Variants in PTPRN2 observed in about 807,000 individuals in gnomAD.
PTPRN2 encodes protein tyrosine phosphatase receptor type N2.
A neutral mutation model predicts 118.8 loss-of-function variants in PTPRN2; 74 were observed. That is an observed-to-expected ratio of 0.62 (90% CI 0.52 to 0.76). The LOEUF (loss-of-function observed/expected upper bound fraction) is 0.76, where lower values mean the gene tolerates loss of function less well. PTPRN2 is among the 30% of genes least tolerant of loss of function. The pLI is 0.00. For missense variants in PTPRN2, 1,481 were observed against 1,394.4 expected (o/e 1.06, Z -0.99); for synonymous variants, 641 against 608.0 (o/e 1.05, Z -0.80).
Position 158,150,871 on chromosome 7 carries a change from C to G in PTPRN2, c.911-12356G>C, listed in dbSNP as rs144326645. ...TGGCCTCCTTTCTGTTCTTCCAACC[C>G]AACGTGCTGGTGGAATTATCCTACT... On this transcript the variant is annotated intron_variant, in intron 6 of 22. Coordinates refer to ENST00000389418, the MANE Select transcript of PTPRN2 (RefSeq NM_002847.5). Among the ~76,000 whole-genome samples, 37 of 152,184 alleles carry G rather than the reference C, an allele frequency of 2.4e-4. 1 individual carries two copies. In the East Asian group the frequency reaches 6.8e-3, roughly 28 times the overall value.
chr7:158,378,989 C>T (rs1213756490), intron 2 of PTPRN2, among the ~76,000 whole-genome samples: 3 of 152,232 alleles, frequency 2.0e-5, no homozygotes, highest in Non-Finnish European at 2.9e-5. Flanking sequence ...AGTGCATCTG[C>T]ACGCACTCCT....
At chr7:158,246,850 G>A (rs971138474) in intron 3 of PTPRN2, among the ~76,000 whole-genome samples, 6 of 152,042 alleles carry the variant, frequency 3.9e-5, no homozygotes, top group Admixed American at 1.3e-4. Context: ...CGTGACCCAC[G>A]ATGGGAAAAG....
Position 158,133,715 on chromosome 7 carries a change from G to A in PTPRN2, c.1518C>T (p.Ser506=), listed in dbSNP as rs755213854. 10 of 1,607,762 alleles carry A rather than the reference G, an allele frequency of 6.2e-6. No individual in the cohort carries two copies. The highest frequency in any genetic ancestry group is 3.3e-5 in the South Asian group (3 of 90,886). Residue 506 remains serine (S), a synonymous_variant, in exon 9 of 23, where the codon TCC becomes TCT. Transcript: ENST00000389418. ...SDGLQLEVQP[S]EEEARGYIVT... Reference sequence around the variant, plus strand: ...CGATGTAGCCCCGCGCCTCTTCCTCGGAAGGCTGGACCTCCAATTGCAGGC... The same window carrying A: ...CGATGTAGCCCCGCGCCTCTTCCTCAGAAGGCTGGACCTCCAATTGCAGGC...
At chr7:157,776,553 T>C (rs1803290994) in intron 12 of PTPRN2, among the ~76,000 whole-genome samples, 1 of 100,282 alleles carries the variant, frequency 1.0e-5, no homozygotes, top group Non-Finnish European at 2.0e-5. Flanking sequence ...CCTCTCCTCC[T>C]CTCTCTCCTT....
chr7:157,802,717 A>G (rs946020188), intron 12 of PTPRN2, among the ~76,000 whole-genome samples: 3 of 152,194 alleles, frequency 2.0e-5, no homozygotes, highest in African/African-American at 7.2e-5. Flanking sequence ...TTCAGAGTCT[A>G]CACATCCTCA....
chr7:157,648,523 C>T (rs200574039), intron 14 of PTPRN2, among the ~76,000 whole-genome samples: 7,049 of 87,048 alleles, frequency 0.081, 3 homozygotes, highest in Non-Finnish European at 0.11. Flanking sequence ...GCACTGAACT[C>T]GGTGGGTCAG....
intron 3 of PTPRN2, among the ~76,000 whole-genome samples, chr7:158,217,274 G>T (rs1828020070): frequency 2.0e-5 from 3 of 152,168 alleles, no homozygotes; most frequent in Admixed American, 2.0e-4. Context: ...TAAAGCTCAA[G>T]GGGCCAGAGG....
At chr7:157,783,177 C>T (rs1395953015) in intron 12 of PTPRN2, among the ~76,000 whole-genome samples, 2 of 152,202 alleles carry the variant, frequency 1.3e-5, no homozygotes, top group African/African-American at 2.4e-5. Flanking sequence ...GCCTCCTCAG[C>T]CCTGCAGAAC....
chr7:158,075,683 G>A (rs970911647), intron 11 of PTPRN2, among the ~76,000 whole-genome samples: 1 of 152,240 alleles, frequency 6.6e-6, no homozygotes, highest in Non-Finnish European at 1.5e-5. Flanking sequence ...AGTCAGGGAT[G>A]TTCTAAGAGC....
At chr7:158,102,059 G>A (rs1815269607) in intron 10 of PTPRN2, among the ~76,000 whole-genome samples, 1 of 152,166 alleles carries the variant, frequency 6.6e-6, no homozygotes, top group African/African-American at 2.4e-5. Context: ...CCTCTCCCAA[G>A]CCCCAGATCG....
At chr7:157,957,129 G>A (rs1027735479) in intron 11 of PTPRN2, among the ~76,000 whole-genome samples, 16 of 152,198 alleles carry the variant, frequency 1.1e-4, no homozygotes, top group African/African-American at 3.6e-4. Flanking sequence ...AACAGCTCAA[G>A]CACTTGCACC....
chr7:158,405,179 C>G (rs547303271), intron 2 of PTPRN2, among the ~76,000 whole-genome samples: 174 of 152,250 alleles, frequency 1.1e-3, no homozygotes, highest in African/African-American at 3.9e-3. Context: ...ATCCACACCC[C>G]CTAGGATGCC....
At chr7:158,262,720 G>A (rs1797549722) in intron 3 of PTPRN2, among the ~76,000 whole-genome samples, 1 of 133,558 alleles carries the variant, frequency 7.5e-6, no homozygotes, top group African/African-American at 2.9e-5. Flanking sequence ...CACACACATT[G>A]CGCACACATA....
chr7:158,334,324 C>CT (rs1563159968), intron 2 of PTPRN2, among the ~76,000 whole-genome samples: 6 of 11,460 alleles, frequency 5.2e-4, no homozygotes, highest in South Asian at 3.4e-3. Flanking sequence ...GTCACTCACA[C>CT]CCACACGTCA....
In PTPRN2 at chr7:158,433,626, A is replaced by G. The variant is rs375961220; in HGVS notation, c.163+56109T>C. On this transcript the variant is annotated intron_variant, in intron 2 of 22. Coordinates refer to ENST00000389418, the MANE Select transcript of PTPRN2 (RefSeq NM_002847.5). ...TTGATCAGCCTTGCCAGAAGTGTATATTCACATCTTTTAAAGAAGCAATGA... is the reference window on the plus strand; with the variant it reads ...TTGATCAGCCTTGCCAGAAGTGTATGTTCACATCTTTTAAAGAAGCAATGA... Among the ~76,000 whole-genome samples the G allele has an allele frequency of 6.4e-4, 98 of 152,306 alleles. 2 individuals carry two copies. In the South Asian group the frequency reaches 0.02, roughly 31 times the overall value.
At chr7:158,440,166 A>G (rs1816883557) in intron 2 of PTPRN2, among the ~76,000 whole-genome samples, 1 of 152,214 alleles carries the variant, frequency 6.6e-6, no homozygotes, top group Non-Finnish European at 1.5e-5. Context: ...ATAAAGGTAG[A>G]GACTCATGCT....
At chr7:157,675,036 C>T (rs574570479) in intron 13 of PTPRN2, among the ~76,000 whole-genome samples, 2 of 152,312 alleles carry the variant, frequency 1.3e-5, no homozygotes, top group South Asian at 4.1e-4. Flanking sequence ...GCCTCTTGCT[C>T]ACACCCACTC....
intron 21 of PTPRN2, among the ~76,000 whole-genome samples, chr7:157,568,165 C>T (rs1472371351): frequency 6.6e-6 from 1 of 152,190 alleles, no homozygotes; most frequent in Non-Finnish European, 1.5e-5. Context: ...CAGAGCCAGA[C>T]CCGCGCACAG....
chr7:158,441,179 A>G (rs1484131504), intron 2 of PTPRN2, among the ~76,000 whole-genome samples: 1 of 133,642 alleles, frequency 7.5e-6, no homozygotes, highest in Non-Finnish European at 1.6e-5. Context: ...CAGTGGTGGC[A>G]GTGGTGGTGA....
Sources: gnomAD v4.1 joint callset for allele counts (sites outside exome capture counted in the v4.1 genomes callset) on GRCh38, gnomAD v4.1.1 for gene constraint, MANE v1.5 for transcripts, NCBI Gene and HGNC (gene_info 2026-07-23, HGNC 2026-07-21) for gene names.